Variants in CPLANE1 observed in about 807,000 individuals in gnomAD.
CPLANE1 encodes the protein ciliogenesis and planar polarity effector complex subunit 1.
A neutral mutation model predicts 362.5 loss-of-function variants in CPLANE1; 263 were observed. The observed-to-expected ratio is 0.73, with a 90% CI of 0.66 to 0.80. CPLANE1 has a LOEUF of 0.80. CPLANE1 is among the 30% of genes least tolerant of loss of function. CPLANE1 has a pLI of 0.00. For synonymous variants in CPLANE1, 1,212 were observed against 1,302.6 expected (o/e 0.93, Z 1.50); for missense variants, 3,461 against 3,793.4 (o/e 0.91, Z 2.30).
At position 37,173,959 on chromosome 5, in the gene CPLANE1, G is replaced by T; in HGVS notation, c.5979-12C>A. The T allele has an allele frequency of 6.3e-7, 1 of 1,597,196 alleles. No homozygotes were observed. Among genetic ancestry groups the T allele is most frequent in the Non-Finnish European group, 8.6e-7 (1 of 1,169,522 alleles). The stretch of plus-strand genomic sequence containing the variant: ...TAGAAATCTGTGCACTGCGTGGAAA[G>T]CATTTAAATAAAAAACATGCATTAA... On this transcript the variant is annotated splice_polypyrimidine_tract_variant and intron_variant, in intron 31 of 52. Transcript: ENST00000651892.
intron 16 of CPLANE1, among the ~76,000 whole-genome samples, chr5:37,208,970 G>T (rs1016088718): frequency 6.6e-6 from 1 of 151,634 alleles, no homozygotes; most frequent in Non-Finnish European, 1.5e-5. Context: ...AAGAAAACAT[G>T]CGCATGCGCC....
chr5:37,229,585 C>G (rs1479834794), intron 9 of CPLANE1, among the ~76,000 whole-genome samples: 1 of 151,788 alleles, frequency 6.6e-6, no homozygotes, highest in African/African-American at 2.4e-5. Context: ...AAGTAAACAC[C>G]CTACCTCAGT....
At chr5:37,187,911 C>T (rs549581282) in intron 21 of CPLANE1, 69 bp from the exon 22 acceptor site, 2 of 999,926 alleles carry the variant, frequency 2.0e-6, no homozygotes, top group East Asian at 2.6e-5. Flanking sequence ...ACAACTCCAA[C>T]TCTGCTGATC....
At chr5:37,119,001 CGCGCCGG>C (rs1561305672) in intron 50 of CPLANE1, among the ~76,000 whole-genome samples, 1 of 152,102 alleles carries the variant, frequency 6.6e-6, no homozygotes, top group Admixed American at 6.5e-5. Context: ...CGTGAGCCAC[CGCGCCGG>C]GCCTATTTTA....
In CPLANE1 at chr5:37,245,679, T is replaced by C. The variant is rs751022598; in HGVS notation, c.217+31A>G. The C allele has an allele frequency of 1.6e-5, 24 of 1,477,516 alleles. No homozygotes were observed. The African/African-American group carries it at 2.9e-4, about 18-fold the overall frequency. The allele number at this position is 1,477,516 out of a possible 1,614,324, so 91.5% of individuals were successfully genotyped here. A position where few individuals can be genotyped will look rare whatever the true frequency, so the allele number is the denominator to read the frequency against. On this transcript the variant is annotated intron_variant, in intron 3 of 52. Transcript: ENST00000651892. ...CCTAAGTTATTAAAAAATATAGTTTTAGCCATTTGAAAATATCAGTACTAC... is the reference window on the plus strand; with the variant it reads ...CCTAAGTTATTAAAAAATATAGTTTCAGCCATTTGAAAATATCAGTACTAC...
At chr5:37,123,444 C>T (rs1258553963) in intron 47 of CPLANE1, among the ~76,000 whole-genome samples, 1 of 152,196 alleles carries the variant, frequency 6.6e-6, no homozygotes, top group African/African-American at 2.4e-5. Context: ...CTAATCCCAT[C>T]CCTTTACCCA....
At chr5:37,174,076 G>A in intron 31 of CPLANE1, 129 bp from the exon 32 acceptor site, 1 of 811,858 alleles carries the variant, frequency 1.2e-6, no homozygotes, top group Non-Finnish European at 1.9e-6. Context: ...TAGTTTTCTA[G>A]AAATTTAAAC....
intron 16 of CPLANE1, chr5:37,211,485 AAAG>A: frequency 1.4e-6 from 2 of 1,379,838 alleles, no homozygotes; most frequent in Non-Finnish European, 1.0e-6. Context: ...GGGCACACTT[AAAG>A]AAGAAAGGAA....
chr5:37,229,216 C>CAA (rs35861833), intron 9 of CPLANE1, among the ~76,000 whole-genome samples: 6 of 90,830 alleles, frequency 6.6e-5, no homozygotes, highest in South Asian at 3.5e-4. Context: ...GACTCGGTCT[C>CAA]AAAAAAAAAA....
chr5:37,154,483 T>C (rs1017817888), intron 41 of CPLANE1, among the ~76,000 whole-genome samples: 1 of 132,828 alleles, frequency 7.5e-6, no homozygotes, highest in Non-Finnish European at 1.6e-5. Flanking sequence ...TTTTTTTTTT[T>C]AAGAGATAGA....
intron 52 of CPLANE1, 107 bp downstream of exon 52, chr5:37,108,186 T>G (rs192330448): frequency 9.2e-7 from 1 of 1,091,680 alleles, no homozygotes; most frequent in East Asian, 2.4e-5. Context: ...TTTTCAGTAT[T>G]TCCACATCCC....
chr5:37,120,089 C>A, intron 50 of CPLANE1, 127 bp downstream of exon 50: 1 of 916,114 alleles, frequency 1.1e-6, no homozygotes. Flanking sequence ...ATCAATGCCT[C>A]GCCTTCTGTT....
intron 6 of CPLANE1, among the ~76,000 whole-genome samples, chr5:37,242,073 C>T (rs1016392823): frequency 3.9e-5 from 6 of 152,192 alleles, no homozygotes; most frequent in African/African-American, 4.8e-5. Flanking sequence ...TGCATATTTT[C>T]GGCTGGGTGA....
intron 6 of CPLANE1, among the ~76,000 whole-genome samples, chr5:37,240,380 G>A (rs1332780473): frequency 6.6e-6 from 1 of 151,988 alleles, no homozygotes; most frequent in Non-Finnish European, 1.5e-5. Flanking sequence ...GAAAGAGAAG[G>A]GGTTTATTCG....
chr5:37,247,829 G>C (rs6876937), intron 1 of CPLANE1, 84 bp from the exon 2 acceptor site: 11 of 1,011,376 alleles, frequency 1.1e-5, no homozygotes, highest in Admixed American at 3.1e-5. Flanking sequence ...CAAGAGTTTC[G>C]TTCTGTTGCC....
chr5:37,217,719 G>A (rs1278987103), intron 15 of CPLANE1, among the ~76,000 whole-genome samples: 1 of 151,938 alleles, frequency 6.6e-6, no homozygotes, highest in African/African-American at 2.4e-5. Context: ...GCTCATGCCT[G>A]TAATCCTAGC....
rs903462974 is a variant in CPLANE1 at position 37,245,377 on chromosome 5, A to C, written c.337+102T>G. 3.7e-5 allele frequency: 24 copies of C among 650,926 alleles called. No individual in the cohort carries two copies. In the Admixed American group the frequency reaches 8.3e-4, roughly 23 times the overall value. 40.3% of individuals were successfully genotyped at this position (650,926 alleles called of 1,614,324 possible). A position where few individuals can be genotyped will look rare whatever the true frequency, so the allele number is the denominator to read the frequency against. The stretch of plus-strand genomic sequence containing the variant: ...CACACACTCAGATATACATATGCAC[A>C]TACACAGAAATACATTTTCAAGACA... On this transcript the variant is annotated intron_variant, in intron 4 of 52. Coordinates refer to ENST00000651892, the MANE Select transcript of CPLANE1 (RefSeq NM_001384732.1).
At chr5:37,151,128 T>A (rs1773439139) in intron 42 of CPLANE1, among the ~76,000 whole-genome samples, 1 of 152,202 alleles carries the variant, frequency 6.6e-6, no homozygotes, top group Non-Finnish European at 1.5e-5. Flanking sequence ...TCCCCTCTCC[T>A]ACCTCTACTG....
chr5:37,116,076 C>T (rs1444806018), intron 50 of CPLANE1, among the ~76,000 whole-genome samples: 1 of 151,744 alleles, frequency 6.6e-6, no homozygotes, highest in Non-Finnish European at 1.5e-5. Context: ...TGCTTGAGCC[C>T]AGGAGTTTGA....
Sources: allele counts gnomAD v4.1 joint callset (sites outside exome capture counted in the v4.1 genomes callset), GRCh38; gene constraint gnomAD v4.1.1; transcripts MANE v1.5; gene names NCBI Gene and HGNC (gene_info 2026-07-23, HGNC 2026-07-21).